The following GAS2 variants were observed in gnomAD, a reference collection of about 807,000 sequenced individuals.
The protein encoded by GAS2 is growth arrest specific 2, also known as growth arrest-specific protein 2.
GAS2 carries 20 observed loss-of-function variants against 37.5 expected under a neutral mutation model. The observed-to-expected ratio is 0.53, with a 90% CI of 0.37 to 0.77. The LOEUF (loss-of-function observed/expected upper bound fraction) is 0.77. GAS2 is among the 30% of genes least tolerant of loss of function. GAS2 has a pLI of 0.00. For synonymous variants in GAS2, 144 were observed against 132.2 expected (o/e 1.09, Z -0.61); for missense variants, 336 against 373.4 (o/e 0.90, Z 0.82).
At chr11:22,778,690 C>T (rs932421892) in intron 7 of GAS2, among the ~76,000 whole-genome samples, 2 of 152,192 alleles carry the variant, frequency 1.3e-5, no homozygotes, top group East Asian at 1.9e-4. Context: ...ACTTAATTGT[C>T]AGTCTGTAGG....
chr11:22,657,916 C>A (rs1848873573), intron 1 of GAS2, among the ~76,000 whole-genome samples: 1 of 152,032 alleles, frequency 6.6e-6, no homozygotes, highest in African/African-American at 2.4e-5. Flanking sequence ...ACAATTAGAA[C>A]TATTTATAAT....
intron 4 of GAS2, among the ~76,000 whole-genome samples, chr11:22,737,378 T>C (rs898949894): frequency 2.6e-5 from 4 of 152,172 alleles, no homozygotes; most frequent in African/African-American, 9.7e-5. Context: ...TACAGCTACA[T>C]AGGCATCCAA....
At chr11:22,701,716 C>T (rs911955316) in intron 3 of GAS2, among the ~76,000 whole-genome samples, 1 of 152,102 alleles carries the variant, frequency 6.6e-6, no homozygotes, top group African/African-American at 2.4e-5. Context: ...GTAGTCCCAG[C>T]TACTCTGGAC....
intron 3 of GAS2, among the ~76,000 whole-genome samples, chr11:22,710,671 G>T (rs1338283349): frequency 6.6e-6 from 1 of 151,878 alleles, no homozygotes; most frequent in African/African-American, 2.4e-5. Flanking sequence ...AGAATCTGAG[G>T]GTTGTCACAC....
chr11:22,792,513 A>G (rs748137469), intron 7 of GAS2, among the ~76,000 whole-genome samples: 1 of 152,258 alleles, frequency 6.6e-6, no homozygotes, highest in Non-Finnish European at 1.5e-5. Context: ...GAATAAAGTT[A>G]CTAGAATTTC....
At chr11:22,794,246 T>C (rs1380427179) in intron 7 of GAS2, among the ~76,000 whole-genome samples, 1 of 152,096 alleles carries the variant, frequency 6.6e-6, no homozygotes, top group African/African-American at 2.4e-5. Context: ...TACATATACA[T>C]TGTTAATAAA....
At chr11:22,746,831 A>G (rs749081336) in intron 5 of GAS2, among the ~76,000 whole-genome samples, 7 of 152,202 alleles carry the variant, frequency 4.6e-5, no homozygotes, top group Non-Finnish European at 8.8e-5. Flanking sequence ...AATTCTGCAC[A>G]TGTACCCCTG....
chr11:22,790,276 C>T (rs1246476845), intron 7 of GAS2, among the ~76,000 whole-genome samples: 2 of 152,196 alleles, frequency 1.3e-5, no homozygotes, highest in Non-Finnish European at 2.9e-5. Flanking sequence ...CAATAGCGTT[C>T]AGACGGGCCT....
intron 4 of GAS2, among the ~76,000 whole-genome samples, chr11:22,727,941 TA>T (rs1052791687): frequency 3.9e-5 from 6 of 151,980 alleles, no homozygotes; most frequent in African/African-American, 1.2e-4. Flanking sequence ...TAAGATCGTG[TA>T]AAAATATATA....
intron 1 of GAS2, among the ~76,000 whole-genome samples, chr11:22,631,946 C>CTTTTTTT (rs35928910): frequency 1.2e-5 from 1 of 82,968 alleles, no homozygotes; most frequent in African/African-American, 4.3e-5. Context: ...TGGCCCTGGA[C>CTTTTTTT]TTTTTTTTTT....
At chr11:22,626,253 A>G (rs932200715) in intron 1 of GAS2, 8 of 219,886 alleles carry the variant, frequency 3.6e-5, no homozygotes, top group East Asian at 2.1e-4. Context: ...TTTAAGATCT[A>G]TTTGAGAAAC....
upstream of GAS2, among the ~76,000 whole-genome samples, chr11:22,663,805 T>C (rs961216274): frequency 2.6e-5 from 4 of 152,200 alleles, no homozygotes; most frequent in African/African-American, 9.6e-5. Context: ...CTATTTGTAA[T>C]GACTATGCTA....
At chr11:22,642,841 A>G (rs1354262211) in intron 1 of GAS2, among the ~76,000 whole-genome samples, 1 of 152,146 alleles carries the variant, frequency 6.6e-6, no homozygotes, top group Admixed American at 6.6e-5. Flanking sequence ...ATTATTCTAG[A>G]CCCATTGCCT....
At chr11:22,683,582 G>A (rs960850361) in intron 2 of GAS2, among the ~76,000 whole-genome samples, 1 of 151,930 alleles carries the variant, frequency 6.6e-6, no homozygotes, top group African/African-American at 2.4e-5. Context: ...TTATTTTAAG[G>A]TTCATGGAAT....
intron 7 of GAS2, among the ~76,000 whole-genome samples, chr11:22,809,265 A>G (rs1857030900): frequency 1.3e-5 from 2 of 152,134 alleles, no homozygotes; most frequent in Admixed American, 1.3e-4. Context: ...AATTCATTTC[A>G]CCAATCAATT....
At chr11:22,740,235 A>G (rs1038962227) in intron 5 of GAS2, among the ~76,000 whole-genome samples, 19 of 152,162 alleles carry the variant, frequency 1.2e-4, no homozygotes, top group Admixed American at 3.9e-4. Flanking sequence ...TCCCACCCAA[A>G]TATTTTAAAA....
intron 1 of GAS2, among the ~76,000 whole-genome samples, chr11:22,644,445 T>G (rs1247037200): frequency 6.6e-6 from 1 of 152,218 alleles, no homozygotes; most frequent in Non-Finnish European, 1.5e-5. Flanking sequence ...ACAGAGAATA[T>G]TCTATCAGAT....
chr11:22,693,801 A>T (rs558031258), intron 3 of GAS2, among the ~76,000 whole-genome samples: 3 of 152,346 alleles, frequency 2.0e-5, no homozygotes, highest in South Asian at 2.1e-4. Context: ...AGGAAGCTTT[A>T]TATAAAGACT....
intron 7 of GAS2, among the ~76,000 whole-genome samples, chr11:22,807,057 T>C (rs1454684857): frequency 6.6e-6 from 1 of 152,110 alleles, no homozygotes; most frequent in Non-Finnish European, 1.5e-5. Flanking sequence ...TGAAAGGCAA[T>C]AGTGTATTTA....
Sources: gnomAD v4.1 joint callset for allele counts (sites outside exome capture counted in the v4.1 genomes callset) on GRCh38, gnomAD v4.1.1 for gene constraint, MANE v1.5 for transcripts, NCBI Gene and HGNC (gene_info 2026-07-23, HGNC 2026-07-21) for gene names.